KLHL1: variants seen among roughly 807,000 people sequenced by gnomAD.
KLHL1 encodes the protein kelch like family member 1.
In KLHL1, 47 loss-of-function variants were observed where a neutral mutation model predicts 77.7. That is an observed-to-expected ratio of 0.60 (90% CI 0.48 to 0.77). The LOEUF (loss-of-function observed/expected upper bound fraction) is 0.77, where lower values mean the gene tolerates loss of function less well. KLHL1 is among the 30% of genes least tolerant of loss of function. The pLI, the probability that KLHL1 is intolerant of heterozygous loss-of-function variation, is 0.00. For synonymous variants in KLHL1, 360 were observed against 325.2 expected (o/e 1.11, Z -1.15); for missense variants, 925 against 910.8 (o/e 1.02, Z -0.20).
intron 1 of KLHL1, among the ~76,000 whole-genome samples, chr13:70,075,279 C>T (rs1452197510): frequency 6.6e-6 from 1 of 151,104 alleles, no homozygotes; most frequent in East Asian, 1.9e-4. Flanking sequence ...TGCACAAGAG[C>T]AAAGGTAATC....
intron 2 of KLHL1, among the ~76,000 whole-genome samples, chr13:69,969,661 T>G (rs1884321456): frequency 6.6e-6 from 1 of 152,032 alleles, no homozygotes; most frequent in South Asian, 2.1e-4. Context: ...AATATCTTCT[T>G]TGTCAACTAT....
intron 6 of KLHL1, 30 bp from the exon 7 acceptor site, chr13:69,796,992 A>C: frequency 6.4e-7 from 1 of 1,560,686 alleles, no homozygotes; most frequent in Non-Finnish European, 8.8e-7. Flanking sequence ...AAAAGTCACC[A>C]ATTGCTATAA....
chr13:69,788,454 T>C (rs570916742), intron 7 of KLHL1, among the ~76,000 whole-genome samples: 35 of 152,006 alleles, frequency 2.3e-4, no homozygotes, highest in Non-Finnish European at 4.6e-4. Flanking sequence ...AGGTGGGAAT[T>C]GAACAATGAG....
intron 5 of KLHL1, among the ~76,000 whole-genome samples, chr13:69,861,130 ATTATT>A (rs1274739929): frequency 2.6e-5 from 4 of 152,118 alleles, no homozygotes; most frequent in Admixed American, 6.6e-5. Flanking sequence ...ACTGGTAAAT[ATTATT>A]TTATGTGATA....
chr13:69,988,725 T>C (rs1201442569), intron 1 of KLHL1, among the ~76,000 whole-genome samples: 2 of 152,158 alleles, frequency 1.3e-5, no homozygotes, highest in Non-Finnish European at 2.9e-5. Flanking sequence ...ATATTGAACA[T>C]TTTTTCATAA....
chr13:69,741,728 C>A (rs965700763), intron 7 of KLHL1, among the ~76,000 whole-genome samples: 2 of 152,104 alleles, frequency 1.3e-5, no homozygotes, highest in Admixed American at 6.6e-5. Context: ...TAAATTATTT[C>A]TCTGCTTCTT....
At chr13:69,710,925 GA>G (rs1875846158) in intron 9 of KLHL1, among the ~76,000 whole-genome samples, 1 of 151,932 alleles carries the variant, frequency 6.6e-6, no homozygotes, top group Admixed American at 6.6e-5. Context: ...CCGTATCAGA[GA>G]CTCTATTAAG....
chr13:70,089,540 T>G (rs1284181229), intron 1 of KLHL1, among the ~76,000 whole-genome samples: 4 of 152,064 alleles, frequency 2.6e-5, no homozygotes, highest in African/African-American at 9.7e-5. Flanking sequence ...AACACTGAGG[T>G]ACATCTTTAA....
intron 1 of KLHL1, among the ~76,000 whole-genome samples, chr13:70,106,731 T>C (rs1041505297): frequency 2.0e-5 from 3 of 152,212 alleles, no homozygotes; most frequent in Non-Finnish European, 4.4e-5. Flanking sequence ...GGCCTCATTT[T>C]GTCCACCTCA....
At chr13:69,773,147 AATAG>A (rs144626242) in intron 7 of KLHL1, among the ~76,000 whole-genome samples, 35,579 of 151,790 alleles carry the variant, frequency 0.23, 4,218 homozygotes, top group South Asian at 0.31. Context: ...GTACATGCAT[AATAG>A]ATATATATTA....
chr13:70,011,179 G>T (rs932579531), intron 1 of KLHL1, among the ~76,000 whole-genome samples: 24 of 152,048 alleles, frequency 1.6e-4, no homozygotes, highest in African/African-American at 4.3e-4. Flanking sequence ...AGAAGACTTT[G>T]CCAGTGAGAA....
At chr13:69,840,664 T>G in intron 5 of KLHL1, among the ~76,000 whole-genome samples, 1 of 150,900 alleles carries the variant, frequency 6.6e-6, no homozygotes, top group East Asian at 1.9e-4. Flanking sequence ...TTCTACGCAC[T>G]TTTATTTTGA....
intron 1 of KLHL1, among the ~76,000 whole-genome samples, chr13:70,087,679 G>T (rs574631150): frequency 6.6e-6 from 1 of 152,240 alleles, no homozygotes; most frequent in East Asian, 1.9e-4. Context: ...GGGCTGCTGG[G>T]ATTTAAAATG....
intron 1 of KLHL1, among the ~76,000 whole-genome samples, chr13:69,998,091 C>G (rs1476613531): frequency 6.6e-6 from 1 of 151,994 alleles, no homozygotes; most frequent in Non-Finnish European, 1.5e-5. Context: ...TTGATAGGTC[C>G]TTTACTGAAG....
chr13:69,944,327 T>G (rs1257298555), intron 3 of KLHL1, among the ~76,000 whole-genome samples: 1 of 152,200 alleles, frequency 6.6e-6, no homozygotes, highest in Non-Finnish European at 1.5e-5. Flanking sequence ...AAGGTAAAAT[T>G]AAGTATCTTC....
intron 5 of KLHL1, among the ~76,000 whole-genome samples, chr13:69,857,219 T>C (rs778640510): frequency 6.6e-6 from 1 of 152,022 alleles, no homozygotes; most frequent in Non-Finnish European, 1.5e-5. Flanking sequence ...CTCCCTTTAC[T>C]TAAAAACTCT....
chr13:69,926,748 C>T (rs1365505261), intron 4 of KLHL1, among the ~76,000 whole-genome samples: 1 of 151,600 alleles, frequency 6.6e-6, no homozygotes. Context: ...GAGATGGAGA[C>T]CATCCTGGCA....
intron 1 of KLHL1, among the ~76,000 whole-genome samples, chr13:70,068,335 C>T (rs1342182980): frequency 2.8e-5 from 4 of 144,694 alleles, no homozygotes; most frequent in African/African-American, 1.0e-4. Flanking sequence ...AGCGAGACTC[C>T]GTCTCAAAAA....
chr13:69,723,995 G>A (rs577283752), intron 8 of KLHL1, among the ~76,000 whole-genome samples: 138 of 151,876 alleles, frequency 9.1e-4, no homozygotes, highest in South Asian at 3.9e-3. Context: ...CCACCACCAC[G>A]CCTGGATAAT....
Sources: gnomAD v4.1 joint callset for allele counts (sites outside exome capture counted in the v4.1 genomes callset) on GRCh38, gnomAD v4.1.1 for gene constraint, MANE v1.5 for transcripts, NCBI Gene and HGNC (gene_info 2026-07-23, HGNC 2026-07-21) for gene names.